The following MEF2C variants were observed in gnomAD, a reference collection of about 807,000 sequenced individuals.
The protein encoded by MEF2C is myocyte enhancer factor 2C, also known as myocyte-specific enhancer factor 2C.
A neutral mutation model predicts 50.5 loss-of-function variants in MEF2C; 6 were observed. The observed-to-expected ratio is 0.12, with a 90% CI of 0.07 to 0.23. MEF2C has a LOEUF of 0.23. Ranked by LOEUF, MEF2C falls within the 10% of genes least tolerant of loss-of-function variation. The pLI, the probability that MEF2C is intolerant of heterozygous loss-of-function variation, is 1.00. For synonymous variants in MEF2C, 183 were observed against 228.0 expected, an observed-to-expected ratio of 0.80 and a Z score of 1.78; for missense variants, 276 against 605.0, an observed-to-expected ratio of 0.46 and a Z score of 5.70.
chr5:88,721,538 C>T lies in MEF2C; in HGVS notation c.*1066G>A, dbSNP rs1298206093. 1 of 152,450 alleles carries T rather than the reference C, an allele frequency of 6.6e-6. No homozygotes were observed. Among genetic ancestry groups the T allele is most frequent in the Non-Finnish European group, 1.5e-5 (1 of 67,992 alleles). 9.4% of individuals were successfully genotyped at this position (152,450 alleles called of 1,614,324 possible). On this transcript the variant is annotated 3_prime_UTR_variant, in exon 11 of 11. Transcript: ENST00000504921. ...TCAAATGTGCAACTGCACAAATATA[C>T]CCCCCTCCCGCTATTAAGATAACAA...
chr5:88,760,297 G>T (rs1238129335), intron 4 of MEF2C, among the ~76,000 whole-genome samples: 1 of 152,220 alleles, frequency 6.6e-6, no homozygotes, highest in Non-Finnish European at 1.5e-5. Flanking sequence ...TTGACTGTTA[G>T]AATTTTTTTC....
intron 7 of MEF2C, among the ~76,000 whole-genome samples, chr5:88,730,726 G>A (rs1220348375): frequency 6.6e-6 from 1 of 152,158 alleles, no homozygotes; most frequent in East Asian, 1.9e-4. Flanking sequence ...GTTTTTTTCT[G>A]AAGGGAATGT....
At chr5:88,780,749 T>C in intron 3 of MEF2C, 1 of 984,214 alleles carries the variant, frequency 1.0e-6, no homozygotes, top group South Asian at 4.7e-5. Context: ...TTATTTATTT[T>C]TGTGTCAGAA....
chr5:88,813,107 A>G (rs1032237847), intron 2 of MEF2C, among the ~76,000 whole-genome samples: 1 of 152,182 alleles, frequency 6.6e-6, no homozygotes, highest in African/African-American at 2.4e-5. Context: ...CTACTTTTGT[A>G]TAGACTCTGC....
At chr5:88,803,766 G>GTGCAC (rs1361235668) in intron 3 of MEF2C, among the ~76,000 whole-genome samples, 2 of 151,870 alleles carry the variant, frequency 1.3e-5, no homozygotes, top group Admixed American at 1.3e-4. Flanking sequence ...CCTGCACAAT[G>GTGCAC]TGCACATGTA....
intron 3 of MEF2C, among the ~76,000 whole-genome samples, chr5:88,768,183 T>C (rs2152745791): frequency 6.6e-6 from 1 of 152,350 alleles, no homozygotes; most frequent in Non-Finnish European, 1.5e-5. Flanking sequence ...ATTGATCCTT[T>C]ATGTGCTTTT....
chr5:88,823,957 C>T (rs1301822347), intron 1 of MEF2C, 27 bp from the exon 2 acceptor site: 14 of 1,430,412 alleles, frequency 9.8e-6, no homozygotes, highest in Non-Finnish European at 1.2e-5. Context: ...AATTAAATAC[C>T]ACTCTAACAG....
At chr5:88,782,854 C>T (rs1788841136) in intron 3 of MEF2C, among the ~76,000 whole-genome samples, 1 of 152,216 alleles carries the variant, frequency 6.6e-6, no homozygotes, top group Non-Finnish European at 1.5e-5. Flanking sequence ...AATTGTATCA[C>T]ATTTAATTCC....
chr5:88,814,195 A>G (rs748908673), intron 2 of MEF2C, among the ~76,000 whole-genome samples: 1 of 152,082 alleles, frequency 6.6e-6, no homozygotes, highest in Non-Finnish European at 1.5e-5. Flanking sequence ...GACAGTAAGT[A>G]ATGGCACAAA....
At chr5:88,767,211 C>T (rs958615300) in intron 3 of MEF2C, among the ~76,000 whole-genome samples, 1 of 152,140 alleles carries the variant, frequency 6.6e-6, no homozygotes, top group Non-Finnish European at 1.5e-5. Context: ...GTTTTGTACG[C>T]TTATGTGTTA....
At chr5:88,809,622 C>T (rs543092043) in intron 2 of MEF2C, among the ~76,000 whole-genome samples, 6 of 151,950 alleles carry the variant, frequency 3.9e-5, no homozygotes, top group East Asian at 3.9e-4. Flanking sequence ...AATCTGAATT[C>T]GTATTTTTAT....
chr5:88,843,830 G>T lies in MEF2C; in HGVS notation c.-142-19900C>A, dbSNP rs566216959. Among the ~76,000 whole-genome samples, 9 of 146,348 alleles carry T rather than the reference G, an allele frequency of 6.1e-5. No homozygotes were observed. In the South Asian group the frequency reaches 1.5e-3, roughly 25 times the overall value. On this transcript the variant is annotated intron_variant, in intron 1 of 10. Transcript: ENST00000504921. ...CTTTTTTTTTTTTTTTTTTTGAGAC[G>T]GAGTCTTGCTGCTCTGTCACCCAGG...
rs1756647759 is a variant in MEF2C at position 88,722,496 on chromosome 5, T to C, written c.*108A>G. 2.9e-6 allele frequency: 3 copies of C among 1,018,500 alleles called. No individual in the cohort carries two copies. The highest frequency in any genetic ancestry group is 2.9e-6 in the Non-Finnish European group (2 of 694,258). The allele number at this position is 1,018,500 out of a possible 1,614,324, so 63.1% of individuals were successfully genotyped here. ...CAAAACAGAGTACCTGACTTTTTTT[T>C]TTTCCACACACGGCACATATAATGC... On this transcript the variant is annotated 3_prime_UTR_variant, in exon 11 of 11. Coordinates refer to ENST00000504921, the MANE Select transcript of MEF2C (RefSeq NM_002397.5).
At chr5:88,755,046 T>C (rs1438846666) in intron 4 of MEF2C, among the ~76,000 whole-genome samples, 1 of 152,200 alleles carries the variant, frequency 6.6e-6, no homozygotes, top group African/African-American at 2.4e-5. Context: ...GCCCATATCC[T>C]GATCTCTTTC....
At chr5:88,889,696 T>A (rs1028350013) in intron 1 of MEF2C, among the ~76,000 whole-genome samples, 2 of 151,374 alleles carry the variant, frequency 1.3e-5, no homozygotes, top group Admixed American at 1.3e-4. Flanking sequence ...GTAAAGAGGG[T>A]GCGTGATGGG....
At chr5:88,892,776 G>A (rs1834733333) in intron 1 of MEF2C, among the ~76,000 whole-genome samples, 1 of 152,124 alleles carries the variant, frequency 6.6e-6, no homozygotes. Context: ...CCTTTGGAAT[G>A]CTATTGTCAG....
chr5:88,855,855 C>T (rs545513288), intron 1 of MEF2C, among the ~76,000 whole-genome samples: 54 of 152,224 alleles, frequency 3.5e-4, no homozygotes, highest in African/African-American at 5.8e-4. Flanking sequence ...TTCTTCATAG[C>T]GGTGTGAGAA....
intron 10 of MEF2C, among the ~76,000 whole-genome samples, chr5:88,727,084 T>C (rs1759160204): frequency 1.3e-5 from 2 of 152,300 alleles, no homozygotes; most frequent in South Asian, 4.1e-4. Context: ...ACAAAATATG[T>C]ATACATGTAC....
chr5:88,819,602 C>T (rs1807265378), intron 2 of MEF2C, among the ~76,000 whole-genome samples: 1 of 151,974 alleles, frequency 6.6e-6, no homozygotes, highest in Non-Finnish European at 1.5e-5. Flanking sequence ...CTTCCTCAGG[C>T]CTTTCTCCAA....
Sources: allele counts gnomAD v4.1 joint callset (sites outside exome capture counted in the v4.1 genomes callset), GRCh38; gene constraint gnomAD v4.1.1; transcripts MANE v1.5; gene names NCBI Gene and HGNC (gene_info 2026-07-23, HGNC 2026-07-21).